ZNF521: variants seen among roughly 807,000 people sequenced by gnomAD.
ZNF521 encodes LYST-interacting protein 3.
A neutral mutation model predicts 105.5 loss-of-function variants in ZNF521; 14 were observed. The observed-to-expected ratio is 0.13, with a 90% CI of 0.09 to 0.21. ZNF521 has a LOEUF of 0.21. ZNF521 is among the 10% of genes least tolerant of loss of function. ZNF521 has a pLI of 1.00. For missense variants in ZNF521, 1,233 were observed against 1,629.7 expected, an observed-to-expected ratio of 0.76 and a Z score of 4.19; for synonymous variants, 635 against 606.0, an observed-to-expected ratio of 1.05 and a Z score of -0.70.
chr18:25,343,822 ATCT>A (rs1914339271), intron 2 of ZNF521, among the ~76,000 whole-genome samples: 1 of 152,192 alleles, frequency 6.6e-6, no homozygotes, highest in African/African-American at 2.4e-5. Context: ...TTTAAACTTA[ATCT>A]TTTTTTAAAA....
intron 3 of ZNF521, among the ~76,000 whole-genome samples, chr18:25,316,694 C>T (rs1912639414): frequency 1.3e-5 from 2 of 152,014 alleles, no homozygotes; most frequent in Non-Finnish European, 1.5e-5. Flanking sequence ...TCATTTCTCC[C>T]TTTTTTTCGC....
chr18:25,163,102 C>T (rs2035278284), intron 5 of ZNF521, among the ~76,000 whole-genome samples: 1 of 152,082 alleles, frequency 6.6e-6, no homozygotes, highest in Non-Finnish European at 1.5e-5. Context: ...TGAATTAGAT[C>T]TAGAATGCTT....
chr18:25,182,031 C>T (rs1421639816), intron 5 of ZNF521, among the ~76,000 whole-genome samples: 2 of 152,094 alleles, frequency 1.3e-5, no homozygotes, highest in African/African-American at 2.4e-5. Context: ...ACAGTTACCT[C>T]TTATTTATTT....
chr18:25,265,683 C>T (rs925221616), intron 3 of ZNF521, among the ~76,000 whole-genome samples: 9 of 152,172 alleles, frequency 5.9e-5, no homozygotes, highest in African/African-American at 1.7e-4. Flanking sequence ...TATCCCATTG[C>T]GGGGCATATA....
At chr18:25,307,385 T>G (rs912994343) in intron 3 of ZNF521, among the ~76,000 whole-genome samples, 5 of 152,208 alleles carry the variant, frequency 3.3e-5, no homozygotes, top group African/African-American at 1.2e-4. Context: ...ACTTGAATAT[T>G]CATCCTGGGC....
At chr18:25,261,289 C>T (rs560004723) in intron 3 of ZNF521, among the ~76,000 whole-genome samples, 4 of 152,318 alleles carry the variant, frequency 2.6e-5, no homozygotes, top group Admixed American at 1.3e-4. Flanking sequence ...ACCTTTAAAA[C>T]TCAGTGCTCA....
intron 3 of ZNF521, among the ~76,000 whole-genome samples, chr18:25,248,271 A>C (rs1379196191): frequency 1.3e-5 from 2 of 152,196 alleles, no homozygotes; most frequent in East Asian, 3.9e-4. Flanking sequence ...GTCAGCAACA[A>C]CACCTCTGAA....
At chr18:25,334,337 A>G (rs1345693785) in intron 2 of ZNF521, among the ~76,000 whole-genome samples, 7 of 152,106 alleles carry the variant, frequency 4.6e-5, no homozygotes, top group African/African-American at 1.7e-4. Flanking sequence ...AATTATTTCT[A>G]CATCTTGATT....
intron 3 of ZNF521, chr18:25,273,731 C>T (rs1341826249): frequency 6.6e-6 from 1 of 152,100 alleles, no homozygotes; most frequent in Non-Finnish European, 1.5e-5. Flanking sequence ...GTTCATAAGA[C>T]ATTATGTTTT....
chr18:25,160,516 C>A (rs1399702723), intron 5 of ZNF521, among the ~76,000 whole-genome samples: 2 of 152,222 alleles, frequency 1.3e-5, no homozygotes, highest in Non-Finnish European at 2.9e-5. Flanking sequence ...TGCACACACA[C>A]ACACACATTA....
chr18:25,077,484 GC>G (rs1359482363), intron 7 of ZNF521, among the ~76,000 whole-genome samples: 1 of 151,890 alleles, frequency 6.6e-6, no homozygotes, highest in African/African-American at 2.4e-5. Context: ...ACATCCGCGT[GC>G]CCCCCACATA....
At chr18:25,240,214 C>A (rs1174516892) in intron 3 of ZNF521, among the ~76,000 whole-genome samples, 1 of 152,114 alleles carries the variant, frequency 6.6e-6, no homozygotes, top group Non-Finnish European at 1.5e-5. Flanking sequence ...CATCCCATCT[C>A]CCCCATCAGA....
At chr18:25,258,326 G>A (rs147041250) in intron 3 of ZNF521, among the ~76,000 whole-genome samples, 1 of 152,256 alleles carries the variant, frequency 6.6e-6, no homozygotes, top group Non-Finnish European at 1.5e-5. Flanking sequence ...ATTACAAAAT[G>A]TACAGCTTGC....
intron 5 of ZNF521, among the ~76,000 whole-genome samples, chr18:25,181,773 T>C (rs1314307469): frequency 6.6e-6 from 1 of 152,228 alleles, no homozygotes; most frequent in East Asian, 1.9e-4. Flanking sequence ...CGTCACAGAC[T>C]AATTATAGAC....
At chr18:25,164,868 C>T (rs1415328497) in intron 5 of ZNF521, among the ~76,000 whole-genome samples, 1 of 152,142 alleles carries the variant, frequency 6.6e-6, no homozygotes, top group African/African-American at 2.4e-5. Context: ...TACCCACTGG[C>T]GCAGTATAAA....
intron 7 of ZNF521, among the ~76,000 whole-genome samples, chr18:25,071,646 C>A (rs1197968240): frequency 6.6e-6 from 1 of 152,078 alleles, no homozygotes; most frequent in Non-Finnish European, 1.5e-5. Flanking sequence ...GGGGGTGGTA[C>A]ATAGCAGCAT....
chr18:25,080,061 TATCAAGGCA>T (rs2033458154), intron 7 of ZNF521, among the ~76,000 whole-genome samples: 1 of 152,204 alleles, frequency 6.6e-6, no homozygotes, highest in Non-Finnish European at 1.5e-5. Flanking sequence ...CAGGAGCTGC[TATCAAGGCA>T]GGGGCAGGGA....
intron 5 of ZNF521, among the ~76,000 whole-genome samples, chr18:25,110,525 C>T (rs2034165714): frequency 6.6e-6 from 1 of 151,980 alleles, no homozygotes; most frequent in African/African-American, 2.4e-5. Flanking sequence ...TAAGGGATTT[C>T]AAGTCCACCC....
chr18:25,233,208 AATT>A (rs1440166925), intron 3 of ZNF521, among the ~76,000 whole-genome samples: 2 of 152,200 alleles, frequency 1.3e-5, no homozygotes, highest in East Asian at 3.8e-4. Flanking sequence ...CAATGATTTA[AATT>A]GCTAAAAGAT....
Sources: gnomAD v4.1 joint callset for allele counts (sites outside exome capture counted in the v4.1 genomes callset) on GRCh38, gnomAD v4.1.1 for gene constraint, MANE v1.5 for transcripts, NCBI Gene and HGNC (gene_info 2026-07-23, HGNC 2026-07-21) for gene names.